The following PAPPA variants were observed in gnomAD, a reference collection of about 807,000 sequenced individuals.
PAPPA encodes the protein pappalysin 1, also known as pappalysin-1.
Under a neutral mutation model 164.0 loss-of-function variants are expected in PAPPA, and 60 were observed. The observed-to-expected ratio is 0.37, with a 90% CI of 0.30 to 0.45. The LOEUF is 0.45. Among genes scored for constraint, PAPPA ranks in the 20% least tolerant of loss-of-function variants. The pLI is 1.00. For synonymous variants in PAPPA, 875 were observed against 814.1 expected, an observed-to-expected ratio of 1.07 and a Z score of -1.27; for missense variants, 1,782 against 2,087.3, an observed-to-expected ratio of 0.85 and a Z score of 2.85.
chr9:116,320,233 C>T (rs1467734554), intron 10 of PAPPA, among the ~76,000 whole-genome samples: 2 of 152,140 alleles, frequency 1.3e-5, no homozygotes, highest in East Asian at 1.9e-4. Context: ...ACCCTAAATC[C>T]CAGGATTTCA....
intron 18 of PAPPA, among the ~76,000 whole-genome samples, chr9:116,364,085 A>C (rs1846467188): frequency 6.6e-6 from 1 of 152,214 alleles, no homozygotes; most frequent in Admixed American, 6.5e-5. Context: ...TAGGCATTCT[A>C]GAAGGTTGGG....
At chr9:116,307,800 C>A (rs1455611317) in intron 10 of PAPPA, among the ~76,000 whole-genome samples, 1 of 151,936 alleles carries the variant, frequency 6.6e-6, no homozygotes, top group Non-Finnish European at 1.5e-5. Context: ...CTCTTAAATT[C>A]CATTCTGACA....
intron 10 of PAPPA, among the ~76,000 whole-genome samples, chr9:116,304,852 C>T (rs1451810316): frequency 6.6e-6 from 1 of 151,992 alleles, no homozygotes; most frequent in African/African-American, 2.4e-5. Context: ...GACTAGGTTC[C>T]ATTACTCTGG....
intron 10 of PAPPA, 130 bp from the exon 11 acceptor site, chr9:116,331,114 C>A (rs967467661): frequency 6.4e-6 from 4 of 621,034 alleles, no homozygotes; most frequent in Non-Finnish European, 1.1e-5. Context: ...AGATTCTGGT[C>A]TTTTCATCCC....
At chr9:116,317,398 AC>A (rs1210398594) in intron 10 of PAPPA, among the ~76,000 whole-genome samples, 1 of 152,142 alleles carries the variant, frequency 6.6e-6, no homozygotes, top group Admixed American at 6.5e-5. Flanking sequence ...GCTTCCTAAG[AC>A]ATCCCCCTTT....
chr9:116,330,319 T>C (rs1477258888), intron 10 of PAPPA, among the ~76,000 whole-genome samples: 1 of 152,226 alleles, frequency 6.6e-6, no homozygotes, highest in African/African-American at 2.4e-5. Flanking sequence ...GTTTTCTGTT[T>C]ATATTTATAT....
In PAPPA at chr9:116,154,199, C is replaced by G. The variant is rs1456010300; in HGVS notation, c.27C>G (p.His9Gln). Residue 9 changes from histidine to glutamine, a missense_variant, in exon 1 of 22, where the codon CAC becomes CAG. This residue lies in a region of PAPPA where 458 missense variants were observed against 430.3 expected (regional missense o/e 1.06). Transcript: ENST00000328252. This position sits in a 1 kb window ranked among gnomAD's most constrained non-coding sequence, Gnocchi z 5.2. The stretch of plus-strand genomic sequence containing the variant: ...TGCGGCTCTGGAGTTGGGTGCTGCA[C>G]CTGGGGCTGCTGAGCGCCGCGCTGG... MRLWSWVL[H>Q]LGLLSAALGC... 4.0e-6 allele frequency: 6 copies of G among 1,483,076 alleles called. No homozygotes were observed. In the East Asian group the frequency reaches 1.7e-4, roughly 42 times the overall value. 91.9% of individuals were successfully genotyped at this position (1,483,076 alleles called of 1,614,324 possible).
intron 3 of PAPPA, 53 bp from the exon 4 acceptor site, chr9:116,211,586 C>T: frequency 6.6e-7 from 1 of 1,526,170 alleles, no homozygotes; most frequent in South Asian, 1.2e-5. Flanking sequence ...GGGGTTCTTG[C>T]ACCAAGAAGC....
Position 116,154,577 on chromosome 9 carries a change from A to C in PAPPA, c.405A>C (p.Ala135=), listed in dbSNP as rs1255790907. The part of the protein sequence containing the change: ...LRAEGGQRSP[A]VITGLYDKCS... ...CGGAGGGGGGCCAGAGGTCTCCGGC[A>C]GTGATCACAGGTAGGTGAGGGCGCC... is the stretch of plus-strand genomic sequence containing the variant. Residue 135 remains alanine (A), a synonymous_variant, in exon 1 of 22, where the codon GCA becomes GCC. Coordinates refer to ENST00000328252, the MANE Select transcript of PAPPA (RefSeq NM_002581.5). This position sits in a 1 kb window ranked among gnomAD's most constrained non-coding sequence, Gnocchi z 5.2. The C allele has an allele frequency of 7.2e-7, 1 of 1,387,936 alleles. No individual in the cohort carries two copies. The highest frequency in any genetic ancestry group is 1.5e-5 in the African/African-American group (1 of 66,940). The allele number at this position is 1,387,936 out of a possible 1,614,324, so 86.0% of individuals were successfully genotyped here.
intron 21 of PAPPA, among the ~76,000 whole-genome samples, chr9:116,394,406 A>G (rs1846934603): frequency 6.6e-6 from 1 of 152,226 alleles, no homozygotes; most frequent in Non-Finnish European, 1.5e-5. Flanking sequence ...ACCTAAGATC[A>G]TGACAGTGGA....
At chr9:116,210,639 A>C (rs1192996674) in intron 3 of PAPPA, among the ~76,000 whole-genome samples, 1 of 152,150 alleles carries the variant, frequency 6.6e-6, no homozygotes, top group African/African-American at 2.4e-5. Context: ...ACTACCCATA[A>C]ATTCTGCTGA....
chr9:116,247,185 T>C (rs908895347), intron 7 of PAPPA, among the ~76,000 whole-genome samples: 2 of 152,158 alleles, frequency 1.3e-5, no homozygotes, highest in Non-Finnish European at 2.9e-5. Flanking sequence ...AATATTTCTA[T>C]AGATGTCTAT....
At chr9:116,354,787 A>G (rs1164480041) in intron 17 of PAPPA, among the ~76,000 whole-genome samples, 1 of 152,076 alleles carries the variant, frequency 6.6e-6, no homozygotes, top group Non-Finnish European at 1.5e-5. Context: ...TCTTTCCAGT[A>G]CATTCTTCAC....
chr9:116,360,553 A>AT (rs374719853), intron 17 of PAPPA, among the ~76,000 whole-genome samples: 23 of 152,032 alleles, frequency 1.5e-4, no homozygotes, highest in African/African-American at 5.3e-4. Flanking sequence ...GAGTTTATTC[A>AT]TTTTCTCATA....
intron 2 of PAPPA, among the ~76,000 whole-genome samples, chr9:116,195,567 GAATGA>G (rs960877788): frequency 6.6e-6 from 1 of 152,166 alleles, no homozygotes; most frequent in African/African-American, 2.4e-5. Flanking sequence ...GTAAAGTCAG[GAATGA>G]AAGTAACAGT....
At chr9:116,346,986 C>T (rs768126047) in intron 14 of PAPPA, 40 bp from the exon 15 acceptor site, 1 of 1,547,968 alleles carries the variant, frequency 6.5e-7, no homozygotes, top group African/African-American at 1.4e-5. Flanking sequence ...ATCTAGAGCT[C>T]AGTCTGCCAC....
chr9:116,188,993 C>T (rs1454365854), intron 2 of PAPPA, among the ~76,000 whole-genome samples: 1 of 152,130 alleles, frequency 6.6e-6, no homozygotes, highest in Admixed American at 6.5e-5. Flanking sequence ...AGGTAGTGTG[C>T]TGTGTTTAGG....
chr9:116,401,063 A>G lies in PAPPA; in HGVS notation c.*4447A>G, dbSNP rs537449631. On this transcript the variant is annotated 3_prime_UTR_variant, in exon 22 of 22. Coordinates refer to ENST00000328252, the MANE Select transcript of PAPPA (RefSeq NM_002581.5). Reference sequence around the variant, plus strand: ...GAATGCACAGGCCCATCGGCCTTTTAGAAAGACAAGACAGGGAGTGCTTGT... The same window carrying G: ...GAATGCACAGGCCCATCGGCCTTTTGGAAAGACAAGACAGGGAGTGCTTGT... 6.5e-6 allele frequency: 1 copy of G among 152,762 alleles called. No individual in the cohort carries two copies. Among genetic ancestry groups the G allele is most frequent in the Non-Finnish European group, 1.5e-5 (1 of 68,036 alleles). The allele number at this position is 152,762 out of a possible 1,614,324, so 9.5% of individuals were successfully genotyped here.
At chr9:116,332,561 T>A in intron 12 of PAPPA, 93 bp downstream of exon 12, 1 of 1,108,024 alleles carries the variant, frequency 9.0e-7, no homozygotes, top group Non-Finnish European at 1.3e-6. Flanking sequence ...GAATGAGCTC[T>A]TCCTTCCTTT....
Sources: allele counts gnomAD v4.1 joint callset (sites outside exome capture counted in the v4.1 genomes callset), GRCh38; gene constraint gnomAD v4.1.1; regional missense constraint gnomAD v4.1.1; non-coding constraint Gnocchi (gnomAD v3.1); transcripts MANE v1.5; gene names NCBI Gene and HGNC (gene_info 2026-07-23, HGNC 2026-07-21).